SNAP25: variants seen among roughly 807,000 people sequenced by gnomAD.
SNAP25 encodes the protein synaptosomal-associated protein 25.
In SNAP25, 3 loss-of-function variants were observed where a neutral mutation model predicts 28.7. The ratio of observed to expected loss-of-function variants is 0.10; its 90% CI spans 0.05 to 0.27. The LOEUF (loss-of-function observed/expected upper bound fraction) is 0.27, where lower values mean the gene tolerates loss of function less well. Ranked by LOEUF, SNAP25 falls within the 10% of genes least tolerant of loss-of-function variation. The pLI is 1.00. For synonymous variants in SNAP25, 61 were observed against 88.1 expected (o/e 0.69, Z 1.72); for missense variants, 117 against 278.7 (o/e 0.42, Z 4.13).
At chr20:10,287,191 C>A (rs949536189) in intron 4 of SNAP25, among the ~76,000 whole-genome samples, 2 of 151,916 alleles carry the variant, frequency 1.3e-5, no homozygotes, top group Non-Finnish European at 2.9e-5. Flanking sequence ...TTCTGCACAG[C>A]AAAAGAAACT....
chr20:10,293,082 G>A lies in SNAP25; in HGVS notation c.164-79G>A, dbSNP rs997039135. The A allele has an allele frequency of 1.5e-6, 2 of 1,372,948 alleles. No individual in the cohort carries two copies. Among genetic ancestry groups the A allele is most frequent in the Non-Finnish European group, 2.0e-6 (2 of 994,284 alleles). The allele number at this position is 1,372,948 out of a possible 1,614,324, so 85.0% of individuals were successfully genotyped here. A position where few individuals can be genotyped will look rare whatever the true frequency, so the allele number is the denominator to read the frequency against. Reference sequence around the variant, plus strand: ...TTTCTTTTTTAATGTCAAAGTGAATGTCTGAAGTTTTGTCTTTTTTTCTTT... The same window carrying A: ...TTTCTTTTTTAATGTCAAAGTGAATATCTGAAGTTTTGTCTTTTTTTCTTT... On this transcript the variant is annotated intron_variant, in intron 4 of 7. Coordinates refer to ENST00000254976, the MANE Select transcript of SNAP25 (RefSeq NM_130811.4). This position sits in a 1 kb window ranked among gnomAD's most constrained non-coding sequence, Gnocchi z 5.6.
chr20:10,297,584 C>A (rs928585472), intron 6 of SNAP25, among the ~76,000 whole-genome samples: 1 of 152,170 alleles, frequency 6.6e-6, no homozygotes, highest in African/African-American at 2.4e-5. Context: ...AAGTTGTTAC[C>A]ACCATAGTCC....
intron 1 of SNAP25, among the ~76,000 whole-genome samples, chr20:10,269,125 C>T (rs1317889897): frequency 3.9e-5 from 6 of 152,094 alleles, no homozygotes; most frequent in Non-Finnish European, 8.8e-5. Flanking sequence ...AAATATGTTC[C>T]AGAAGTCCGG....
At chr20:10,273,654 C>T (rs2122987791) in intron 1 of SNAP25, among the ~76,000 whole-genome samples, 1 of 152,330 alleles carries the variant, frequency 6.6e-6, no homozygotes, top group African/African-American at 2.4e-5. Context: ...TCTACTACCA[C>T]TCATGGACTG....
At chr20:10,261,938 G>A (rs1318854834) in intron 1 of SNAP25, among the ~76,000 whole-genome samples, 1 of 152,082 alleles carries the variant, frequency 6.6e-6, no homozygotes, top group East Asian at 1.9e-4. Flanking sequence ...TCTCCAGAAG[G>A]CAGTAAAAAA....
At chr20:10,230,481 C>G (rs2122658479) in intron 1 of SNAP25, among the ~76,000 whole-genome samples, 1 of 152,270 alleles carries the variant, frequency 6.6e-6, no homozygotes, top group South Asian at 2.1e-4. Flanking sequence ...GACACTTGTT[C>G]TCAAACTATG....
At chr20:10,225,421 G>A (rs541474074) in intron 1 of SNAP25, among the ~76,000 whole-genome samples, 1 of 152,202 alleles carries the variant, frequency 6.6e-6, no homozygotes, top group African/African-American at 2.4e-5. Context: ...AGAGATGGGG[G>A]GAAATCCTAT....
Position 10,244,291 on chromosome 20 carries a change from G to T in SNAP25, c.-64+25314G>T, listed in dbSNP as rs1441755892. On this transcript the variant is annotated intron_variant, in intron 1 of 7. Coordinates refer to ENST00000254976, the MANE Select transcript of SNAP25 (RefSeq NM_130811.4). ...GCACCTCAGTGACATAAACCAGTAA[G>T]TTAGAACTTACATTTGGGAAAGAGA... 2.0e-5 allele frequency among the ~76,000 whole-genome samples: 3 copies of T among 152,164 alleles called. No homozygotes were observed. The East Asian group carries it at 5.8e-4, about 29-fold the overall frequency.
At chr20:10,287,971 G>A (rs1172826106) in intron 4 of SNAP25, among the ~76,000 whole-genome samples, 1 of 151,556 alleles carries the variant, frequency 6.6e-6, no homozygotes, top group African/African-American at 2.4e-5. Flanking sequence ...AGAACACATG[G>A]ACACAGGAAG....
At chr20:10,282,733 G>T (rs1184179231) in intron 3 of SNAP25, among the ~76,000 whole-genome samples, 1 of 152,180 alleles carries the variant, frequency 6.6e-6, no homozygotes, top group Non-Finnish European at 1.5e-5. Context: ...TGCTCTCCGA[G>T]ATGCCTCTGC....
chr20:10,284,951 T>C (rs1184729057), intron 4 of SNAP25, among the ~76,000 whole-genome samples, 179 bp downstream of exon 4: 1 of 152,242 alleles, frequency 6.6e-6, no homozygotes, highest in Non-Finnish European at 1.5e-5. Flanking sequence ...GGTAAATGTA[T>C]GGAAATGTTG....
chr20:10,290,264 G>A (rs2063968260), intron 4 of SNAP25, among the ~76,000 whole-genome samples: 1 of 152,100 alleles, frequency 6.6e-6, no homozygotes, highest in African/African-American at 2.4e-5. Context: ...TAGAATTTCT[G>A]CAACAAAATG....
chr20:10,267,584 C>T (rs568769068), intron 1 of SNAP25, among the ~76,000 whole-genome samples: 1 of 152,270 alleles, frequency 6.6e-6, no homozygotes, highest in Admixed American at 6.5e-5. Context: ...GACAGAGTCT[C>T]GCTCTGTCAC....
chr20:10,296,598 A>G (rs934318566), intron 5 of SNAP25: 7 of 287,146 alleles, frequency 2.4e-5, no homozygotes, highest in African/African-American at 1.1e-4. Flanking sequence ...ATATAATCAC[A>G]TCACTAAAAT....
At chr20:10,302,148 C>T (rs1024555413) in intron 7 of SNAP25, among the ~76,000 whole-genome samples, 1 of 151,994 alleles carries the variant, frequency 6.6e-6, no homozygotes, top group African/African-American at 2.4e-5. Flanking sequence ...ATTCCTTGAG[C>T]CCAGGAGTTC....
At chr20:10,241,286 G>T (rs1408264624) in intron 1 of SNAP25, among the ~76,000 whole-genome samples, 2 of 152,084 alleles carry the variant, frequency 1.3e-5, no homozygotes, top group East Asian at 3.9e-4. Context: ...AGTGCATGGG[G>T]TGGCTCCGTA....
intron 7 of SNAP25, among the ~76,000 whole-genome samples, chr20:10,300,301 T>C (rs1334635138): frequency 2.6e-5 from 4 of 152,202 alleles, no homozygotes; most frequent in African/African-American, 9.7e-5. Context: ...AACTCCGACA[T>C]AATTTATATT....
chr20:10,257,589 G>C (rs554314412), intron 1 of SNAP25, among the ~76,000 whole-genome samples: 3 of 152,186 alleles, frequency 2.0e-5, no homozygotes, highest in Non-Finnish European at 4.4e-5. Flanking sequence ...GTGCATGTCT[G>C]TAATCCCAGC....
chr20:10,289,000 G>A (rs909200775), intron 4 of SNAP25, among the ~76,000 whole-genome samples: 2 of 152,032 alleles, frequency 1.3e-5, no homozygotes, highest in Non-Finnish European at 2.9e-5. Flanking sequence ...TTTTGTTTAT[G>A]CGTGAGCACC....
Sources: allele counts gnomAD v4.1 joint callset (sites outside exome capture counted in the v4.1 genomes callset), GRCh38; gene constraint gnomAD v4.1.1; non-coding constraint Gnocchi (gnomAD v3.1); transcripts MANE v1.5; gene names NCBI Gene and HGNC (gene_info 2026-07-23, HGNC 2026-07-21).